Variants in GLYATL2 observed in about 807,000 individuals in gnomAD.
GLYATL2 encodes glycine-N-acyltransferase like 2.
Under a neutral mutation model 21.4 loss-of-function variants are expected in GLYATL2, and 25 were observed. That is an observed-to-expected ratio of 1.17 (90% CI 0.85 to 1.63). The LOEUF (loss-of-function observed/expected upper bound fraction) is 1.63. Ranked by LOEUF, GLYATL2 falls within the 40% of genes most tolerant of loss-of-function variation. The pLI is 0.00. For missense variants in GLYATL2, 361 were observed against 343.3 expected (o/e 1.05, Z -0.41); for synonymous variants, 114 against 118.2 (o/e 0.96, Z 0.23).
intron 1 of GLYATL2, among the ~76,000 whole-genome samples, chr11:58,863,128 T>TTTTC (rs1415390667): frequency 4.4e-5 from 1 of 22,872 alleles, no homozygotes; most frequent in Non-Finnish European, 4.5e-4. Context: ...TGGGTGGATA[T>TTTTC]TATGCATATG....
chr11:58,838,016 T>C (rs1266247110), intron 3 of GLYATL2, among the ~76,000 whole-genome samples: 2 of 152,220 alleles, frequency 1.3e-5, no homozygotes, highest in African/African-American at 4.8e-5. Flanking sequence ...ATCAGAATCT[T>C]GATGGAATAG....
intron 1 of GLYATL2, among the ~76,000 whole-genome samples, chr11:58,890,345 A>G (rs560312170): frequency 2.0e-5 from 3 of 152,252 alleles, no homozygotes; most frequent in Admixed American, 1.3e-4. Flanking sequence ...AAATGACTCA[A>G]TCTACCAAAA....
chr11:58,886,029 A>G (rs1854433422), intron 1 of GLYATL2, among the ~76,000 whole-genome samples: 1 of 152,138 alleles, frequency 6.6e-6, no homozygotes, highest in African/African-American at 2.4e-5. Context: ...AGCCTGTGCA[A>G]CATAGTGAGA....
intron 1 of GLYATL2, among the ~76,000 whole-genome samples, chr11:58,881,795 T>G (rs914436489): frequency 1.3e-5 from 2 of 152,142 alleles, no homozygotes; most frequent in Non-Finnish European, 2.9e-5. Context: ...TGCCCAAGTG[T>G]TCTCATTGTT....
At chr11:58,842,722 T>C (rs1366428157) in intron 1 of GLYATL2, among the ~76,000 whole-genome samples, 2 of 152,086 alleles carry the variant, frequency 1.3e-5, no homozygotes, top group Non-Finnish European at 2.9e-5. Flanking sequence ...TGAATGACAA[T>C]AAACAATGCT....
chr11:58,896,997 CCCG>C (rs1854646858), intron 1 of GLYATL2, among the ~76,000 whole-genome samples: 1 of 152,170 alleles, frequency 6.6e-6, no homozygotes. Context: ...GGCAGATGAA[CCCG>C]GGCCAGTTTT....
chr11:58,878,570 C>G (rs576307534), intron 1 of GLYATL2, among the ~76,000 whole-genome samples: 30 of 152,260 alleles, frequency 2.0e-4, no homozygotes, highest in Admixed American at 4.6e-4. Flanking sequence ...CTGACTGGGT[C>G]AGAAAAGAAC....
At chr11:58,872,198 G>T (rs1307075808) in intron 1 of GLYATL2, among the ~76,000 whole-genome samples, 1 of 152,158 alleles carries the variant, frequency 6.6e-6, no homozygotes, top group Non-Finnish European at 1.5e-5. Flanking sequence ...TTTGTCAGAT[G>T]AGTAGGTTGC....
intron 1 of GLYATL2, among the ~76,000 whole-genome samples, chr11:58,890,484 A>T (rs1366116821): frequency 2.0e-4 from 31 of 152,148 alleles, no homozygotes; most frequent in Admixed American, 2.0e-3. Context: ...ATGGAATACC[A>T]TGCAGCAATA....
At chr11:58,909,556 C>A in the GLYATL2 span, among the ~76,000 whole-genome samples, 4 of 152,196 alleles carry the variant, frequency 2.6e-5, no homozygotes, top group East Asian at 1.9e-4. Context: ...CTAATTTATT[C>A]TTTTAAAAGA....
intron 1 of GLYATL2, among the ~76,000 whole-genome samples, chr11:58,842,677 A>G (rs1391633889): frequency 2.6e-5 from 4 of 152,180 alleles, no homozygotes; most frequent in Non-Finnish European, 5.9e-5. Flanking sequence ...TCATAATAAA[A>G]CAAAAATTCA....
At position 58,875,124 on chromosome 11, in the gene GLYATL2, T is replaced by C. The variant is rs188824410; in HGVS notation, n.60+29032A>G. 5.9e-5 allele frequency among the ~76,000 whole-genome samples: 9 copies of C among 152,344 alleles called. 1 individual carries two copies. The highest frequency in any genetic ancestry group is 4.6e-4 in the Admixed American group (7 of 15,302). Reference sequence around the variant, plus strand: ...CTAGGATTACAACCCTTGCCTTTTTTTGTTTTCCATTTGCTTGGTAGATCT... The same window carrying C: ...CTAGGATTACAACCCTTGCCTTTTTCTGTTTTCCATTTGCTTGGTAGATCT... On this transcript the variant is annotated intron_variant and non_coding_transcript_variant, in intron 1 of 4. Coordinates refer to the GLYATL2 transcript ENST00000533636.
rs916639759 is a variant in GLYATL2 at position 58,866,217 on chromosome 11, A to G, written n.61-27849T>C. On this transcript the variant is annotated intron_variant and non_coding_transcript_variant, in intron 1 of 4. Coordinates refer to the GLYATL2 transcript ENST00000533636. ...TTCCACTTTGGTGTCAAGTTTTTCA[A>G]CAGAGTCAGATTGTTATTTATCTCA... Among the ~76,000 whole-genome samples the G allele has an allele frequency of 2.0e-5, 3 of 148,808 alleles. 1 individual carries two copies. Among genetic ancestry groups the G allele is most frequent in the Admixed American group, 6.9e-5 (1 of 14,484 alleles).
chr11:58,861,322 C>T (rs1052731436), intron 1 of GLYATL2, among the ~76,000 whole-genome samples: 5 of 151,776 alleles, frequency 3.3e-5, no homozygotes, highest in Admixed American at 2.6e-4. Context: ...GGGTTTTATG[C>T]ATCTAGGAAT....
chr11:58,894,396 G>T lies in GLYATL2; in HGVS notation n.60+9760C>A, dbSNP rs375378152. Reference sequence around the variant, plus strand: ...ATCTTAAAAAAGAATTACACTTCACGAACAAAATGTGGCTTCCTTTGGCTC... The same window carrying T: ...ATCTTAAAAAAGAATTACACTTCACTAACAAAATGTGGCTTCCTTTGGCTC... On this transcript the variant is annotated intron_variant and non_coding_transcript_variant, in intron 1 of 4. Coordinates refer to the GLYATL2 transcript ENST00000533636. 8.7e-4 allele frequency among the ~76,000 whole-genome samples: 118 copies of T among 136,358 alleles called. 2 individuals carry two copies. The South Asian group carries it at 0.026, about 30-fold the overall frequency. The allele number at this position is 136,358 out of a possible 152,430, so 89.5% of individuals were successfully genotyped here. A position where few individuals can be genotyped will look rare whatever the true frequency, so the allele number is the denominator to read the frequency against.
intron 1 of GLYATL2, chr11:58,878,284 G>T: frequency 2.2e-6 from 1 of 463,754 alleles, no homozygotes; most frequent in East Asian, 5.2e-5. Flanking sequence ...GATCTGAAGT[G>T]GAGCTTCTAG....
chr11:58,837,378 T>C lies in GLYATL2; in HGVS notation c.206A>G (p.Asp69Gly), dbSNP rs765316235. 6.2e-7 allele frequency: 1 copy of C among 1,613,356 alleles called. No individual in the cohort carries two copies. The highest frequency in any genetic ancestry group is 8.5e-7 in the Non-Finnish European group (1 of 1,179,350). Reference protein sequence around the residue: ...PQKQEMKDDQDHYTNTYHIFT... With the variant: ...PQKQEMKDDQGHYTNTYHIFT... ...GATGTGGTAAGTGTTGGTATAATGA[T>C]CCTGGTCATCTTTCATCTCCTGATA... The change falls in exon 4 of 6, where the codon GAT (aspartate) becomes GGT (glycine). Residue 69 changes from aspartate to glycine, a missense_variant. Coordinates refer to ENST00000287275, the MANE Select transcript of GLYATL2 (RefSeq NM_145016.4).
chr11:58,878,349 C>A, intron 1 of GLYATL2: 1 of 649,048 alleles, frequency 1.5e-6, no homozygotes, highest in Non-Finnish European at 2.2e-6. Flanking sequence ...CCACTTGTGT[C>A]CATTGATCTC....
At chr11:58,879,618 C>T (rs186467420) in intron 1 of GLYATL2, among the ~76,000 whole-genome samples, 100 of 152,202 alleles carry the variant, frequency 6.6e-4, no homozygotes, top group Non-Finnish European at 3.8e-4. Context: ...TATTAAGTAC[C>T]TAGAATAGGC....
Sources: allele counts gnomAD v4.1 joint callset (sites outside exome capture counted in the v4.1 genomes callset), GRCh38; gene constraint gnomAD v4.1.1; transcripts MANE v1.5; gene names NCBI Gene and HGNC (gene_info 2026-07-23, HGNC 2026-07-21).